The following ANKRD20A1 variants were observed in gnomAD, a reference collection of about 807,000 sequenced individuals.
ANKRD20A1 encodes the protein ankyrin repeat domain-containing protein 20A1.
ANKRD20A1 carries 2 observed loss-of-function variants against 50.9 expected under a neutral mutation model. The ratio of observed to expected loss-of-function variants is 0.04; its 90% CI spans 0.02 to 0.12. ANKRD20A1 has a LOEUF of 0.12. Ranked by LOEUF, ANKRD20A1 falls within the 10% of genes least tolerant of loss-of-function variation. The pLI is 1.00. For missense variants in ANKRD20A1, 31 were observed against 548.1 expected, an observed-to-expected ratio of 0.06 and a Z score of 9.42; for synonymous variants, 10 against 186.2, an observed-to-expected ratio of 0.05 and a Z score of 7.70.
At chr9:67,864,855 TA>T (rs1407709279) in intron 3 of ANKRD20A1, among the ~76,000 whole-genome samples, 1 of 53,694 alleles carries the variant, frequency 1.9e-5, no homozygotes, top group African/African-American at 1.0e-4. Context: ...TAGCCTGACT[TA>T]TCTGTCTTTC....
At chr9:67,864,658 C>A (rs1365379913) in intron 3 of ANKRD20A1, among the ~76,000 whole-genome samples, 46 of 14,554 alleles carry the variant, frequency 3.2e-3, no homozygotes, top group African/African-American at 6.2e-3. Context: ...CAATAATAGC[C>A]AAAAAAAAAA....
chr9:67,861,170 T>C (rs1220732775), intron 1 of ANKRD20A1, among the ~76,000 whole-genome samples: 1 of 47,492 alleles, frequency 2.1e-5, no homozygotes, highest in East Asian at 4.1e-4. Flanking sequence ...AATCTTGCGC[T>C]GATGAAAATA....
In ANKRD20A1 at chr9:67,900,608, AAG is replaced by A. The variant is rs1344878456; in HGVS notation, c.1615_1616del (p.Glu539LysfsTer2). ...ACAATGAAAAATGACAACTTGGAAA[AAG>A]AAAATAAATATCTTAAGGACATTAA... On this transcript the variant is annotated frameshift_variant, in exon 15 of 15. Coordinates refer to ENST00000562196, the MANE Select transcript of ANKRD20A1 (RefSeq NM_032250.5). LOFTEE classifies it high-confidence loss of function. 9.8e-7 allele frequency: 1 copy of A among 1,023,720 alleles called. No individual in the cohort carries two copies. The highest frequency in any genetic ancestry group is 1.8e-5 in the African/African-American group (1 of 54,762). 63.4% of individuals were successfully genotyped at this position (1,023,720 alleles called of 1,614,324 possible).
intron 12 of ANKRD20A1, among the ~76,000 whole-genome samples, chr9:67,893,832 T>C (rs1212973497): frequency 6.6e-6 from 1 of 150,994 alleles, no homozygotes; most frequent in Non-Finnish European, 1.5e-5. Context: ...GAAGGTAACA[T>C]GAAATATTGG....
chr9:67,882,367 A>G (rs1477804580), intron 8 of ANKRD20A1, among the ~76,000 whole-genome samples: 1 of 147,958 alleles, frequency 6.8e-6, no homozygotes, highest in Non-Finnish European at 1.5e-5. Context: ...AATGTAGCTA[A>G]TAATTAAATA....
chr9:67,893,000 CTAAT>C (rs1171373431), intron 11 of ANKRD20A1, among the ~76,000 whole-genome samples: 5 of 77,982 alleles, frequency 6.4e-5, no homozygotes, highest in African/African-American at 2.1e-4. Flanking sequence ...GGGGTGCACA[CTAAT>C]TAAGGTATAA....
chr9:67,882,241 C>T (rs1368955867), intron 8 of ANKRD20A1, among the ~76,000 whole-genome samples: 3 of 151,290 alleles, frequency 2.0e-5, no homozygotes, highest in African/African-American at 4.8e-5. Flanking sequence ...CCTGCCTCAG[C>T]CTCTCAAAGT....
chr9:67,881,722 G>C (rs775335198), intron 8 of ANKRD20A1, among the ~76,000 whole-genome samples: 1 of 151,588 alleles, frequency 6.6e-6, no homozygotes, highest in Non-Finnish European at 1.5e-5. Context: ...TTGAACCCGG[G>C]AGGCGGAGGT....
At chr9:67,894,513 G>C (rs1827988662) in intron 12 of ANKRD20A1, among the ~76,000 whole-genome samples, 1 of 137,080 alleles carries the variant, frequency 7.3e-6, no homozygotes, top group Non-Finnish European at 1.6e-5. Context: ...CGAAACAAAT[G>C]CTAAGCGTTC....
intron 8 of ANKRD20A1, among the ~76,000 whole-genome samples, chr9:67,883,119 C>T (rs1372535702): frequency 6.0e-5 from 9 of 149,730 alleles, no homozygotes; most frequent in Non-Finnish European, 1.3e-4. Flanking sequence ...GTCTTTATAG[C>T]AGCATGATTT....
In ANKRD20A1 at chr9:67,860,446, T is replaced by A. The variant is rs1196156653; in HGVS notation, c.203+817T>A. 2.9e-4 allele frequency: 14 copies of A among 48,062 alleles called. 6 individuals carry two copies. Among genetic ancestry groups the A allele is most frequent in the Non-Finnish European group, 5.0e-4 (12 of 24,144 alleles). The allele number at this position is 48,062 out of a possible 1,614,324, so 3.0% of individuals were successfully genotyped here. On this transcript the variant is annotated intron_variant, in intron 1 of 14. Coordinates refer to ENST00000562196, the MANE Select transcript of ANKRD20A1 (RefSeq NM_032250.5). ...ATATCAGTTATATATACACATTAGA[T>A]GAAAAGTACCTCTTCATTTTACAGG...
intron 11 of ANKRD20A1, among the ~76,000 whole-genome samples, chr9:67,891,246 A>G (rs1418496195): frequency 7.5e-6 from 1 of 133,292 alleles, no homozygotes; most frequent in East Asian, 2.6e-4. Context: ...GTGAGCTGAG[A>G]TTGCACCACT....
At chr9:67,885,512 T>C (rs1470049368) in intron 9 of ANKRD20A1, among the ~76,000 whole-genome samples, 1 of 152,312 alleles carries the variant, frequency 6.6e-6, no homozygotes, top group Non-Finnish European at 1.5e-5. Flanking sequence ...TAGTATCATA[T>C]AGGCCAAATT....
At chr9:67,875,618 A>G (rs1307349762) in intron 6 of ANKRD20A1, among the ~76,000 whole-genome samples, 2 of 151,292 alleles carry the variant, frequency 1.3e-5, no homozygotes, top group African/African-American at 2.4e-5. Flanking sequence ...ATGACATGAC[A>G]TGTATCTATT....
chr9:67,885,080 G>T (rs1287124817), intron 9 of ANKRD20A1, among the ~76,000 whole-genome samples: 2 of 150,288 alleles, frequency 1.3e-5, no homozygotes, highest in East Asian at 2.0e-4. Context: ...AAGGAGCTGA[G>T]TTGTGAGTTC....
intron 6 of ANKRD20A1, among the ~76,000 whole-genome samples, chr9:67,875,624 CTATT>C (rs1454700587): frequency 1.4e-4 from 21 of 150,232 alleles, no homozygotes; most frequent in African/African-American, 4.4e-4. Flanking sequence ...TGACATGTAT[CTATT>C]ACTGTAATAT....
chr9:67,882,472 A>G (rs1827816987), intron 8 of ANKRD20A1, among the ~76,000 whole-genome samples: 1 of 147,464 alleles, frequency 6.8e-6, no homozygotes, highest in Non-Finnish European at 1.5e-5. Flanking sequence ...ATAATTAAAA[A>G]GGAAATAAAA....
At chr9:67,882,230 G>T (rs1313052493) in intron 8 of ANKRD20A1, among the ~76,000 whole-genome samples, 2 of 151,152 alleles carry the variant, frequency 1.3e-5, no homozygotes, top group African/African-American at 4.8e-5. Flanking sequence ...CAAGTGTTCT[G>T]CCTGCCTCAG....
rs1827491607 is a variant in ANKRD20A1, at chr9:67,860,273, C to T, written c.203+644C>T. Among the ~76,000 whole-genome samples the T allele has an allele frequency of 4.3e-5, 2 of 46,410 alleles. 1 individual carries two copies. The highest frequency in any genetic ancestry group is 2.5e-4 in the African/African-American group (2 of 8,050). 30.4% of individuals were successfully genotyped at this position (46,410 alleles called of 152,430 possible). A position where few individuals can be genotyped will look rare whatever the true frequency, so the allele number is the denominator to read the frequency against. ...CGTTGGCCAGGCTGGTCTCGAACTCCTGACCTCAAGTCATCTGCCCGCCTC... is the reference window on the plus strand; with the variant it reads ...CGTTGGCCAGGCTGGTCTCGAACTCTTGACCTCAAGTCATCTGCCCGCCTC... On this transcript the variant is annotated intron_variant, in intron 1 of 14. Transcript: ENST00000562196.
Sources: allele counts gnomAD v4.1 joint callset (sites outside exome capture counted in the v4.1 genomes callset), GRCh38; gene constraint gnomAD v4.1.1; transcripts MANE v1.5; gene names NCBI Gene and HGNC (gene_info 2026-07-23, HGNC 2026-07-21).